Variants in CRYBG1 observed in about 807,000 individuals in gnomAD.
CRYBG1 encodes crystallin beta-gamma domain containing 1.
In CRYBG1, 139 loss-of-function variants were observed where a neutral mutation model predicts 189.2. The observed-to-expected ratio is 0.73, with a 90% confidence interval of 0.64 to 0.85. CRYBG1 has a LOEUF of 0.85. Among genes scored for constraint, CRYBG1 ranks in the 40% least tolerant of loss-of-function variants. The pLI, the probability that CRYBG1 is intolerant of heterozygous loss-of-function variation, is 0.00. For synonymous variants in CRYBG1, 1,023 were observed against 1,017.1 expected (o/e 1.01, Z -0.11); for missense variants, 2,611 against 2,675.8 (o/e 0.98, Z 0.53).
chr6:106,545,851 G>C (rs1774256805), intron 13 of CRYBG1, among the ~76,000 whole-genome samples: 1 of 152,070 alleles, frequency 6.6e-6, no homozygotes, highest in South Asian at 2.1e-4. Context: ...GCTAATTTTT[G>C]TATTTTTTTT....
In CRYBG1 at chr6:106,539,648, G is replaced by T. The variant is rs201240111; in HGVS notation, c.4845+119G>T. The T allele has an allele frequency of 1.6e-5, 18 of 1,113,556 alleles. No homozygotes were observed. The East Asian group carries it at 4.2e-4, about 26-fold the overall frequency. 69.0% of individuals were successfully genotyped at this position (1,113,556 alleles called of 1,614,324 possible). Reference sequence around the variant, plus strand: ...TTAAGAAACAAATTTGTAGTAGATTGGACCTATTGCTCAATAGAAATCATG... The same window carrying T: ...TTAAGAAACAAATTTGTAGTAGATTTGACCTATTGCTCAATAGAAATCATG... On this transcript the variant is annotated intron_variant, in intron 9 of 21. Transcript: ENST00000633556.
At chr6:106,472,383 A>G (rs1219152730) in intron 2 of CRYBG1, among the ~76,000 whole-genome samples, 3 of 152,224 alleles carry the variant, frequency 2.0e-5, no homozygotes, top group Non-Finnish European at 4.4e-5. Context: ...ACTGAGTTTT[A>G]TAGATGACAT....
chr6:106,456,032 T>C (rs1029041265), intron 2 of CRYBG1, among the ~76,000 whole-genome samples: 1 of 152,252 alleles, frequency 6.6e-6, no homozygotes, highest in African/African-American at 2.4e-5. Flanking sequence ...TCAGGAAACA[T>C]CTGTGAATCT....
At chr6:106,499,115 T>C (rs1305605870) in intron 2 of CRYBG1, among the ~76,000 whole-genome samples, 1 of 149,878 alleles carries the variant, frequency 6.7e-6, no homozygotes, top group African/African-American at 2.5e-5. Context: ...TTTTTTTTTG[T>C]TTGTGTGTTT....
At chr6:106,437,087 A>G (rs1194586794) in intron 1 of CRYBG1, among the ~76,000 whole-genome samples, 1 of 152,204 alleles carries the variant, frequency 6.6e-6, no homozygotes, top group African/African-American at 2.4e-5. Context: ...ACAGCACTCC[A>G]GCCTAGGCAA....
In CRYBG1 at chr6:106,520,647, C is replaced by G. The variant is rs1442638872; in HGVS notation, c.3439C>G (p.His1147Asp). 6.2e-7 allele frequency: 1 copy of G among 1,614,192 alleles called. No homozygotes were observed. Among genetic ancestry groups the G allele is most frequent in the South Asian group, 1.1e-5 (1 of 91,088 alleles). The change falls in exon 4 of 22, where the codon CAT becomes GAT. Residue 1147 changes from histidine (H) to aspartate (D), a missense_variant. His to Asp is a moderately conservative substitution (Grantham distance 81). This residue lies in a region of CRYBG1 where 1,622 missense variants were observed against 1,735.0 expected (regional missense o/e 0.93). Coordinates refer to ENST00000633556, the MANE Select transcript of CRYBG1 (RefSeq NM_001371242.2). ...HFAMPPIHED[H>D]LEKVFDPKVF... is the part of the protein sequence containing the mutation. ...TGCCATGCCTCCTATTCACGAAGAC[C>G]ATTTAGAAAAGGTGTTTGATCCCAA... is the stretch of plus-strand genomic sequence containing the variant.
chr6:106,419,727 T>G (rs1383497994), intron 1 of CRYBG1, among the ~76,000 whole-genome samples: 1 of 152,168 alleles, frequency 6.6e-6, no homozygotes, highest in Admixed American at 6.5e-5. Context: ...ACCAGAGAAG[T>G]TAAATACAGA....
Position 106,512,429 on chromosome 6 carries a change from C to T in CRYBG1, c.1312C>T (p.Pro438Ser). The T allele has an allele frequency of 1.2e-6, 2 of 1,609,828 alleles. No homozygotes were observed. The highest frequency in any genetic ancestry group is 1.3e-5 in the African/African-American group (1 of 75,022). Residue 438 changes from proline to serine, a missense_variant, in exon 3 of 22, where the codon CCT becomes TCT. Around this residue, in one of 3 missense-constraint regions of CRYBG1, gnomAD observed 985 missense variants for 924.4 expected, o/e 1.07. Transcript: ENST00000633556. ...TDSPGADAEL[P>S]ESAARDDAVF... ...CTCCCCCGGCGCGGACGCCGAGCTC[C>T]CTGAGAGCGCTGCCAGGGACGACGC...
chr6:106,463,444 C>G (rs1249920599), intron 2 of CRYBG1, among the ~76,000 whole-genome samples: 1 of 152,094 alleles, frequency 6.6e-6, no homozygotes, highest in Non-Finnish European at 1.5e-5. Flanking sequence ...GTAATGTGTT[C>G]TAGGAAAAAG....
rs150715635 is a variant in CRYBG1 at position 106,419,705 on chromosome 6, T to C, written c.174-31989T>C. Reference sequence around the variant, plus strand: ...GGCCTCCTTACAAGTTTTTAAGTGATTAGGGGGTCATACCAGAGAAGTTAA... The same window carrying C: ...GGCCTCCTTACAAGTTTTTAAGTGACTAGGGGGTCATACCAGAGAAGTTAA... On this transcript the variant is annotated intron_variant, in intron 1 of 21. Transcript: ENST00000633556. Among the ~76,000 whole-genome samples, 134 of 152,266 alleles carry C rather than the reference T, an allele frequency of 8.8e-4. 1 individual carries two copies. In the East Asian group the frequency reaches 0.024, roughly 27 times the overall value.
intron 1 of CRYBG1, among the ~76,000 whole-genome samples, chr6:106,443,866 A>G (rs1582765725): frequency 6.6e-6 from 1 of 152,192 alleles, no homozygotes; most frequent in East Asian, 1.9e-4. Flanking sequence ...TGTGTTACAA[A>G]CAATCCAATT....
chr6:106,505,523 C>T (rs770658648), intron 2 of CRYBG1, among the ~76,000 whole-genome samples: 2 of 152,148 alleles, frequency 1.3e-5, no homozygotes, highest in Non-Finnish European at 2.9e-5. Flanking sequence ...ACCACCATGC[C>T]TGGCCTTGTT....
chr6:106,418,120 G>C (rs1293368074), intron 1 of CRYBG1, among the ~76,000 whole-genome samples: 2 of 152,238 alleles, frequency 1.3e-5, no homozygotes, highest in African/African-American at 2.4e-5. Flanking sequence ...GTTTCATCTA[G>C]TGACAAAACA....
intron 1 of CRYBG1, among the ~76,000 whole-genome samples, chr6:106,363,491 T>G (rs947896421): frequency 6.6e-6 from 1 of 152,086 alleles, no homozygotes; most frequent in African/African-American, 2.4e-5. Flanking sequence ...TTAAAGAGAG[T>G]GGCAAAAGCA....
At chr6:106,454,715 A>G (rs1771849549) in intron 2 of CRYBG1, 1 of 152,228 alleles carries the variant, frequency 6.6e-6, no homozygotes, top group Non-Finnish European at 1.5e-5. Flanking sequence ...CATTTTTATA[A>G]CTGTTCCATA....
At chr6:106,565,147 G>A (rs558114054) in intron 21 of CRYBG1, among the ~76,000 whole-genome samples, 1 of 152,002 alleles carries the variant, frequency 6.6e-6, no homozygotes, top group East Asian at 1.9e-4. Flanking sequence ...GTGAAACCCC[G>A]TCTCTACTAA....
intron 1 of CRYBG1, among the ~76,000 whole-genome samples, chr6:106,430,837 AG>A (rs1020339865): frequency 3.3e-5 from 5 of 152,006 alleles, no homozygotes; most frequent in African/African-American, 1.2e-4. Flanking sequence ...CAGTACAGAG[AG>A]GGGGCAATTG....
intron 1 of CRYBG1, among the ~76,000 whole-genome samples, chr6:106,427,095 A>G (rs1771241290): frequency 6.6e-6 from 1 of 152,058 alleles, no homozygotes; most frequent in South Asian, 2.1e-4. Flanking sequence ...GAAATGTGGA[A>G]GGGCCTCAGG....
intron 1 of CRYBG1, among the ~76,000 whole-genome samples, chr6:106,403,115 G>T (rs931290268): frequency 1.5e-4 from 23 of 152,158 alleles, no homozygotes; most frequent in African/African-American, 3.6e-4. Context: ...GGGGAGGATT[G>T]CTTGAGGCCA....
Sources: gnomAD v4.1 joint callset for allele counts (sites outside exome capture counted in the v4.1 genomes callset) on GRCh38, gnomAD v4.1.1 for gene constraint, gnomAD v4.1.1 regional missense constraint, MANE v1.5 for transcripts, NCBI Gene and HGNC (gene_info 2026-07-23, HGNC 2026-07-21) for gene names.